INTS4: variants seen among roughly 807,000 people sequenced by gnomAD.
The protein encoded by INTS4 is MSTP093.
A neutral mutation model predicts 119.5 loss-of-function variants in INTS4; 70 were observed. That is an observed-to-expected ratio of 0.59 (90% CI 0.48 to 0.71). The LOEUF (loss-of-function observed/expected upper bound fraction) is 0.71, where lower values mean the gene tolerates loss of function less well. Ranked by LOEUF, INTS4 falls within the 30% of genes least tolerant of loss-of-function variation. The pLI, the probability that INTS4 is intolerant of heterozygous loss-of-function variation, is 0.00. For synonymous variants in INTS4, 316 were observed against 419.6 expected (o/e 0.75, Z 3.02); for missense variants, 867 against 1,173.2 (o/e 0.74, Z 3.81).
rs1334698930 is a variant in INTS4 at position 77,941,346 on chromosome 11, G to T, written c.919-95C>A. Reference sequence around the variant, plus strand: ...TCTATAGACAATTTAAGTGCATAAAGATAATATTATTCATGACAGTAAAGA... The same window carrying T: ...TCTATAGACAATTTAAGTGCATAAATATAATATTATTCATGACAGTAAAGA... On this transcript the variant is annotated intron_variant, in intron 8 of 22. Transcript: ENST00000534064. 8 of 1,416,632 alleles carry T rather than the reference G, an allele frequency of 5.6e-6. No homozygotes were observed. The East Asian group carries it at 2.0e-4, about 35-fold the overall frequency. The allele number at this position is 1,416,632 out of a possible 1,614,324, so 87.8% of individuals were successfully genotyped here. A position where few individuals can be genotyped will look rare whatever the true frequency, so the allele number is the denominator to read the frequency against.
chr11:77,917,783 C>A (rs1216361324), intron 15 of INTS4, among the ~76,000 whole-genome samples: 8 of 151,546 alleles, frequency 5.3e-5, no homozygotes, highest in African/African-American at 1.9e-4. Context: ...ATCATTCAGG[C>A]CATTTTGAGG....
intron 21 of INTS4, among the ~76,000 whole-genome samples, chr11:77,889,088 G>A (rs187421147): frequency 1.6e-3 from 239 of 152,230 alleles, no homozygotes; most frequent in African/African-American, 5.1e-3. Flanking sequence ...TATACCCAAA[G>A]GATTATAAAT....
At chr11:77,935,322 C>T (rs993599344) in intron 10 of INTS4, among the ~76,000 whole-genome samples, 10 of 152,172 alleles carry the variant, frequency 6.6e-5, no homozygotes, top group African/African-American at 1.9e-4. Context: ...TTTAGAGAGA[C>T]TCCAGGCACT....
intron 20 of INTS4, 66 bp downstream of exon 20, chr11:77,891,615 T>C (rs1211755381): frequency 6.3e-7 from 1 of 1,581,030 alleles, no homozygotes; most frequent in Admixed American, 1.7e-5. Context: ...TCAAAGAAGA[T>C]CACCAAGGTA....
At chr11:77,919,037 C>T (rs1318550474) in intron 14 of INTS4, 59 bp from the exon 15 acceptor site, 5 of 1,558,878 alleles carry the variant, frequency 3.2e-6, no homozygotes. Context: ...TGGTAACACA[C>T]ACACAAACAC....
intron 12 of INTS4, chr11:77,924,314 T>G (rs1047236263): frequency 2.6e-5 from 4 of 151,968 alleles, no homozygotes; most frequent in Non-Finnish European, 5.8e-5. Flanking sequence ...GGCAGGAGAA[T>G]CGCTTGAACC....
At chr11:77,977,395 C>A (rs72941337) in intron 4 of INTS4, among the ~76,000 whole-genome samples, 19,686 of 151,166 alleles carry the variant, frequency 0.13, 1,457 homozygotes, top group East Asian at 0.25. Flanking sequence ...AAAAAAGGAG[C>A]AAAATTATAT....
chr11:77,891,486 T>C (rs949750305), intron 20 of INTS4, 24 bp from the exon 21 acceptor site: 1 of 1,612,812 alleles, frequency 6.2e-7, no homozygotes, highest in African/African-American at 1.3e-5. Context: ...GAAAATCCTA[T>C]GATTTTAAAG....
intron 15 of INTS4, among the ~76,000 whole-genome samples, chr11:77,916,993 A>G (rs1793333): frequency 0.39 from 58,565 of 151,810 alleles, 11,428 homozygotes; most frequent in African/African-American, 0.43. Flanking sequence ...ATGGGAAAAC[A>G]TAACTTGGAG....
chr11:77,990,764 AAAGGAACAGCAGG>A (rs1856650153), intron 2 of INTS4, among the ~76,000 whole-genome samples: 1 of 152,040 alleles, frequency 6.6e-6, no homozygotes, highest in Non-Finnish European at 1.5e-5. Flanking sequence ...ATGAATTAGG[AAAGGAACAGCAGG>A]ACCACATTCC....
chr11:77,928,595 C>T (rs971006705), intron 10 of INTS4, 48 bp from the exon 11 acceptor site: 4 of 1,544,856 alleles, frequency 2.6e-6, no homozygotes, highest in African/African-American at 2.7e-5. Context: ...GGCACAGTGG[C>T]TCACGCCTGT....
chr11:77,897,844 T>C (rs946698063), intron 18 of INTS4, among the ~76,000 whole-genome samples: 11 of 152,038 alleles, frequency 7.2e-5, no homozygotes, highest in African/African-American at 1.9e-4. Flanking sequence ...GGTCTTGTTC[T>C]GTTGCCCAAG....
In INTS4 at chr11:77,878,938, CTG is replaced by C. The variant is rs1951684904; in HGVS notation, c.*9_*10del. The stretch of plus-strand genomic sequence containing the variant: ...GCCCTCTAGGCCACGGTTGGGAAGA[CTG>C]TTTTTGCCTTAGCGCCGTGCAGGTT... On this transcript the variant is annotated 3_prime_UTR_variant, in exon 23 of 23. Transcript: ENST00000534064. 6.2e-7 allele frequency: 1 copy of C among 1,611,158 alleles called. No individual in the cohort carries two copies. Among genetic ancestry groups the C allele is most frequent in the African/African-American group, 1.3e-5 (1 of 74,864 alleles).
downstream of INTS4, among the ~76,000 whole-genome samples, chr11:77,876,524 C>G (rs776606985): frequency 6.6e-6 from 1 of 152,082 alleles, no homozygotes; most frequent in Non-Finnish European, 1.5e-5. Context: ...AGCCCAACCC[C>G]GATACGATAC....
chr11:77,930,571 A>G (rs1953621438), intron 10 of INTS4, among the ~76,000 whole-genome samples: 1 of 152,236 alleles, frequency 6.6e-6, no homozygotes, highest in African/African-American at 2.4e-5. Context: ...AGAGATAATC[A>G]TTGTGACCTC....
At chr11:77,908,390 G>T (rs534696043) in intron 15 of INTS4, among the ~76,000 whole-genome samples, 2 of 150,558 alleles carry the variant, frequency 1.3e-5, no homozygotes, top group South Asian at 4.2e-4. Flanking sequence ...GTACAGTGGC[G>T]TGATCTCGAC....
chr11:77,961,269 A>G, intron 4 of INTS4, 131 bp from the exon 5 acceptor site: 1 of 1,192,330 alleles, frequency 8.4e-7, no homozygotes, highest in Non-Finnish European at 1.1e-6. Flanking sequence ...CAAGACCTAT[A>G]TTCTTAGGAC....
chr11:77,980,837 A>G (rs982907151), intron 3 of INTS4, among the ~76,000 whole-genome samples: 4 of 152,022 alleles, frequency 2.6e-5, no homozygotes, highest in Non-Finnish European at 5.9e-5. Flanking sequence ...AAAAATACAA[A>G]AAAAATCAGC....
chr11:77,975,677 G>T (rs1213963368), intron 4 of INTS4, among the ~76,000 whole-genome samples: 1 of 152,122 alleles, frequency 6.6e-6, no homozygotes, highest in Non-Finnish European at 1.5e-5. Context: ...ACCTCTACAG[G>T]CCGGGTGCAG....
Sources: allele counts gnomAD v4.1 joint callset (sites outside exome capture counted in the v4.1 genomes callset), GRCh38; gene constraint gnomAD v4.1.1; transcripts MANE v1.5; gene names NCBI Gene and HGNC (gene_info 2026-07-23, HGNC 2026-07-21).